SEMA6A: variants seen among roughly 807,000 people sequenced by gnomAD.
SEMA6A encodes semaphorin 6A, also known as semaphorin-6A.
Under a neutral mutation model 96.8 loss-of-function variants are expected in SEMA6A, and 25 were observed. The ratio of observed to expected loss-of-function variants is 0.26; its 90% confidence interval spans 0.19 to 0.36. The LOEUF is 0.36. SEMA6A is among the 10% of genes least tolerant of loss of function. The pLI is 1.00. For missense variants in SEMA6A, 1,363 were observed against 1,323.1 expected (o/e 1.03, Z -0.47); for synonymous variants, 612 against 518.0 (o/e 1.18, Z -2.46).
intron 4 of SEMA6A, 148 bp from the exon 5 acceptor site, chr5:116,496,461 C>G: frequency 1.7e-6 from 1 of 581,008 alleles, no homozygotes; most frequent in South Asian, 2.6e-5. Context: ...TTCACCGTAA[C>G]AACAAAAGAT....
chr5:116,574,181 G>GTA lies in SEMA6A; in HGVS notation c.-39+2_-39+3dup, dbSNP rs2112932609. 1 of 152,512 alleles carries GTA rather than the reference G, an allele frequency of 6.6e-6. No homozygotes were observed. The highest frequency in any genetic ancestry group is 2.0e-4 in the East Asian group (1 of 5,112). The allele number at this position is 152,512 out of a possible 1,614,324, so 9.4% of individuals were successfully genotyped here. A position where few individuals can be genotyped will look rare whatever the true frequency, so the allele number is the denominator to read the frequency against. The stretch of plus-strand genomic sequence containing the variant: ...TGGGGCGCGCCCGGGCGCCCGGGGC[G>GTA]TACCTTTTCGGTGCATCGACGGACA... On this transcript the variant is annotated splice_donor_region_variant and intron_variant, in intron 1 of 18. Coordinates refer to ENST00000343348, the MANE Select transcript of SEMA6A (RefSeq NM_020796.5).
intron 1 of SEMA6A, among the ~76,000 whole-genome samples, chr5:116,519,652 C>G (rs1009938598): frequency 4.1e-5 from 6 of 146,638 alleles, no homozygotes; most frequent in Admixed American, 3.4e-4. Flanking sequence ...GTGGCTATAA[C>G]GATGCTGTGT....
chr5:116,503,746 A>C (rs1409479668), intron 2 of SEMA6A, among the ~76,000 whole-genome samples: 1 of 151,966 alleles, frequency 6.6e-6, no homozygotes. Flanking sequence ...CCATCCTCTG[A>C]CCTCATGATC....
chr5:116,468,719 ACCT>A (rs1755923702), intron 17 of SEMA6A: 1 of 152,022 alleles, frequency 6.6e-6, no homozygotes, highest in Admixed American at 6.5e-5. Context: ...ATAAAATATG[ACCT>A]CCTCGTGATT....
Position 116,500,102 on chromosome 5 carries a change from A to G in SEMA6A, c.218+2108T>C, listed in dbSNP as rs2112761081. ...TATTACGTTTAGGAAAATAAAAATG[A>G]CATCTAAGAAGGAGCTGGTATTCTA... is the stretch of plus-strand genomic sequence containing the variant. On this transcript the variant is annotated intron_variant, in intron 3 of 18. Coordinates refer to ENST00000343348, the MANE Select transcript of SEMA6A (RefSeq NM_020796.5). Among the ~76,000 whole-genome samples, 2 of 152,362 alleles carry G rather than the reference A, an allele frequency of 1.3e-5. 1 individual carries two copies. The highest frequency in any genetic ancestry group is 4.8e-5 in the African/African-American group (2 of 41,582).
At chr5:116,498,190 A>T (rs1757695830) in intron 3 of SEMA6A, among the ~76,000 whole-genome samples, 1 of 152,304 alleles carries the variant, frequency 6.6e-6, no homozygotes, top group South Asian at 2.1e-4. Context: ...TACACTCAAC[A>T]GAGGAGATGG....
chr5:116,511,596 A>G (rs989613903), intron 1 of SEMA6A, among the ~76,000 whole-genome samples: 2 of 152,228 alleles, frequency 1.3e-5, no homozygotes, highest in Non-Finnish European at 2.9e-5. Context: ...TATGTGGACG[A>G]AGTGGCTGAA....
intron 1 of SEMA6A, among the ~76,000 whole-genome samples, chr5:116,525,092 A>C (rs1759161937): frequency 6.6e-6 from 1 of 152,212 alleles, no homozygotes; most frequent in African/African-American, 2.4e-5. Context: ...AACCCTGATC[A>C]CTTTGTAAAC....
intron 1 of SEMA6A, among the ~76,000 whole-genome samples, chr5:116,570,590 ATTAGC>A (rs1429633624): frequency 6.6e-6 from 1 of 152,242 alleles, no homozygotes; most frequent in African/African-American, 2.4e-5. Context: ...AGCATTTGCA[ATTAGC>A]TTAGCTTGTT....
chr5:116,489,311 C>G (rs972147701), intron 7 of SEMA6A, among the ~76,000 whole-genome samples: 2 of 152,086 alleles, frequency 1.3e-5, no homozygotes, highest in African/African-American at 4.8e-5. Context: ...TTAGCTGGAC[C>G]TTGACTGAAA....
intron 11 of SEMA6A, among the ~76,000 whole-genome samples, chr5:116,481,412 C>G (rs1249682480): frequency 6.6e-6 from 1 of 152,136 alleles, no homozygotes; most frequent in African/African-American, 2.4e-5. Flanking sequence ...CACACCTAGT[C>G]TGCTCTCCAT....
chr5:116,521,322 C>T (rs1247551108), intron 1 of SEMA6A, among the ~76,000 whole-genome samples: 2 of 152,232 alleles, frequency 1.3e-5, no homozygotes, highest in East Asian at 3.8e-4. Context: ...GATGGTTTAA[C>T]TCTACTCTTG....
chr5:116,484,086 AGAC>A (rs1436484614), intron 10 of SEMA6A, among the ~76,000 whole-genome samples: 4 of 145,188 alleles, frequency 2.8e-5, no homozygotes, highest in African/African-American at 7.8e-5. Flanking sequence ...AAAAAAAAAA[AGAC>A]AGTGATTCTC....
rs1754274116 is a variant in SEMA6A at position 116,447,171 on chromosome 5, G to C, written c.2535C>G (p.Asp845Glu). ...TCTTATACTCCAGTGTGGCGGCCTGGTCCTCCAGCGCCATCTGGGCCACCT... is the reference window on the plus strand; with the variant it reads ...TCTTATACTCCAGTGTGGCGGCCTGCTCCTCCAGCGCCATCTGGGCCACCT... ...MSEVAQMALE[D>E]QAATLEYKTI... Residue 845 changes from aspartate (D) to glutamate (E), a missense_variant, in exon 19 of 19, where the codon GAC becomes GAG. Physicochemically the swap from Asp to Glu is conservative, Grantham distance 45. Transcript: ENST00000343348. The C allele has an allele frequency of 3.1e-6, 5 of 1,613,912 alleles. No homozygotes were observed. The South Asian group carries it at 5.5e-5, about 18-fold the overall frequency.
chr5:116,447,157 A>G lies in SEMA6A; in HGVS notation c.2549T>C (p.Leu850Pro). 6.2e-7 allele frequency: 1 copy of G among 1,613,958 alleles called. No homozygotes were observed. The highest frequency in any genetic ancestry group is 8.5e-7 in the Non-Finnish European group (1 of 1,179,888). The change falls in exon 19 of 19, where the codon CTG (leucine) becomes CCG (proline). Residue 850 changes from leucine (L) to proline (P), a missense_variant. Leu to Pro is a moderately conservative substitution (Grantham distance 98). Coordinates refer to ENST00000343348, the MANE Select transcript of SEMA6A (RefSeq NM_020796.5). ...QMALEDQAAT[L>P]EYKTIKEHLS... ...ATGTTCCTTGATGGTCTTATACTCC[A>G]GTGTGGCGGCCTGGTCCTCCAGCGC...
In SEMA6A at chr5:116,446,105, C is replaced by A. The variant is rs1004396815; in HGVS notation, c.*508G>T. On this transcript the variant is annotated 3_prime_UTR_variant, in exon 19 of 19. Transcript: ENST00000343348. ...TCTGAGTTAGAATTATCAATGAATTCTTTTTTTTTTGTCTTTTTAAATTTT... is the reference window on the plus strand; with the variant it reads ...TCTGAGTTAGAATTATCAATGAATTATTTTTTTTTTGTCTTTTTAAATTTT... 2.0e-5 allele frequency: 3 copies of A among 149,474 alleles called. No individual in the cohort carries two copies. Among genetic ancestry groups the A allele is most frequent in the Admixed American group, 6.7e-5 (1 of 14,946 alleles). 9.3% of individuals were successfully genotyped at this position (149,474 alleles called of 1,614,324 possible).
At chr5:116,535,015 C>G (rs1483402704) in intron 1 of SEMA6A, among the ~76,000 whole-genome samples, 1 of 152,204 alleles carries the variant, frequency 6.6e-6, no homozygotes, top group Non-Finnish European at 1.5e-5. Flanking sequence ...GGCCTCTCAG[C>G]CTGGGGAAGA....
chr5:116,476,717 G>A (rs1282627954), intron 15 of SEMA6A, among the ~76,000 whole-genome samples: 1 of 152,166 alleles, frequency 6.6e-6, no homozygotes, highest in Non-Finnish European at 1.5e-5. Context: ...AAAGGACATA[G>A]GTCATCTCAT....
At chr5:116,509,591 G>A (rs1758310222) in intron 1 of SEMA6A, among the ~76,000 whole-genome samples, 1 of 128,734 alleles carries the variant, frequency 7.8e-6, no homozygotes, top group Non-Finnish European at 1.6e-5. Context: ...AGTGAAGAAG[G>A]GTGTCTCTGT....
Sources: allele counts gnomAD v4.1 joint callset (sites outside exome capture counted in the v4.1 genomes callset), GRCh38; gene constraint gnomAD v4.1.1; transcripts MANE v1.5; gene names NCBI Gene and HGNC (gene_info 2026-07-23, HGNC 2026-07-21).